NOX5: variants seen among roughly 807,000 people sequenced by gnomAD.
NOX5 encodes NADPH oxidase 5.
NOX5 carries 76 observed loss-of-function variants against 85.7 expected under a neutral mutation model. That is an observed-to-expected ratio of 0.89 (90% CI 0.74 to 1.07). The LOEUF (loss-of-function observed/expected upper bound fraction) is 1.07. Ranked by LOEUF, NOX5 falls within the 50% of genes least tolerant of loss-of-function variation. NOX5 has a pLI of 0.00. For synonymous variants in NOX5, 405 were observed against 401.4 expected (o/e 1.01, Z -0.11); for missense variants, 973 against 999.5 (o/e 0.97, Z 0.36).
rs1353773072 is a variant in NOX5 at position 69,031,715 on chromosome 15, G to A, written c.523G>A (p.Glu175Lys). The change falls in exon 4 of 16, where the codon GAA (glutamate) becomes AAA (lysine). Residue 175 changes from glutamate (E) to lysine (K), a missense_variant. By Grantham distance (56) the Glu-to-Lys change is moderately conservative. Coordinates refer to ENST00000388866, the MANE Select transcript of NOX5 (RefSeq NM_024505.4). The stretch of plus-strand genomic sequence containing the variant: ...GGACCAGCTGACGCTGGCGCTCTTC[G>A]AATCGGCCGACGCGGACGGCAACGG... ...KLDQLTLALF[E>K]SADADGNGAI... 2 of 1,612,910 alleles carry A rather than the reference G, an allele frequency of 1.2e-6. No individual in the cohort carries two copies. Among genetic ancestry groups the A allele is most frequent in the African/African-American group, 1.3e-5 (1 of 74,956 alleles).
At chr15:69,042,617 C>G (rs36041565) in intron 9 of NOX5, 46 bp from the exon 10 acceptor site, 1 of 1,583,006 alleles carries the variant, frequency 6.3e-7, no homozygotes, top group Non-Finnish European at 8.6e-7. Context: ...TCCCTGGTGC[C>G]GGTCACTATG....
intron 1 of NOX5, among the ~76,000 whole-genome samples, 195 bp downstream of exon 1, chr15:69,014,980 T>C (rs2050214079): frequency 6.6e-6 from 1 of 152,188 alleles, no homozygotes; most frequent in South Asian, 2.1e-4. Context: ...GTCTGTTTTC[T>C]CATCTGTAAA....
chr15:69,057,717 A>G lies in NOX5; in HGVS notation c.*1021A>G, dbSNP rs979523584. The G allele has an allele frequency of 6.6e-6, 1 of 152,250 alleles. No homozygotes were observed. The highest frequency in any genetic ancestry group is 1.9e-4 in the East Asian group (1 of 5,196). The allele number at this position is 152,250 out of a possible 1,614,324, so 9.4% of individuals were successfully genotyped here. On this transcript the variant is annotated 3_prime_UTR_variant, in exon 16 of 16. Coordinates refer to ENST00000388866, the MANE Select transcript of NOX5 (RefSeq NM_024505.4). ...CATGTCTGTTATTTTCATCTGTGAA[A>G]TAAGCTGATGCCATCCGTCAGTCAC...
intron 3 of NOX5, chr15:69,029,442 T>C (rs1055193261): frequency 2.6e-5 from 4 of 152,248 alleles, no homozygotes; most frequent in African/African-American, 4.8e-5. Context: ...CTATCGTGAT[T>C]AATGCTGCTA....
intron 4 of NOX5, 31 bp from the exon 5 acceptor site, chr15:69,033,012 C>T (rs748570012): frequency 6.5e-7 from 1 of 1,526,892 alleles, no homozygotes; most frequent in Non-Finnish European, 8.7e-7. Context: ...CCCCACCGCT[C>T]GCCTCTGAGC....
Position 69,031,709 on chromosome 15 carries a change from C to T in NOX5, c.517C>T (p.Leu173Phe), listed in dbSNP as rs1221491354. Residue 173 changes from leucine to phenylalanine, a missense_variant, in exon 4 of 16, where the codon CTC becomes TTC. Leu to Phe is a conservative substitution (Grantham distance 22, BLOSUM62 0). Coordinates refer to ENST00000388866, the MANE Select transcript of NOX5 (RefSeq NM_024505.4). ...DEKLDQLTLA[L>F]FESADADGNG... ...GAAGCTGGACCAGCTGACGCTGGCG[C>T]TCTTCGAATCGGCCGACGCGGACGG... 13 of 1,613,070 alleles carry T rather than the reference C, an allele frequency of 8.1e-6. No individual in the cohort carries two copies. Among genetic ancestry groups the T allele is most frequent in the Non-Finnish European group, 1.1e-5 (13 of 1,179,812 alleles).
In NOX5 at chr15:69,015,853, G is replaced by A. The variant is rs1015079342; in HGVS notation, c.50+1068G>A. 2.0e-5 allele frequency among the ~76,000 whole-genome samples: 3 copies of A among 149,364 alleles called. 1 individual carries two copies. The highest frequency in any genetic ancestry group is 6.8e-5 in the Admixed American group (1 of 14,736). On this transcript the variant is annotated intron_variant, in intron 1 of 15. Coordinates refer to ENST00000388866, the MANE Select transcript of NOX5 (RefSeq NM_024505.4). ...TCAGGGACATGAGAAGCAGGCACTC[G>A]AAGCTTGGAGTCTGCACAGGCAGTG... is the stretch of plus-strand genomic sequence containing the variant.
chr15:69,040,698 TC>T (rs2050583276), intron 9 of NOX5, among the ~76,000 whole-genome samples: 1 of 152,100 alleles, frequency 6.6e-6, no homozygotes, highest in East Asian at 1.9e-4. Flanking sequence ...TTTCACCAGT[TC>T]TTTTTTTTTT....
intron 14 of NOX5, among the ~76,000 whole-genome samples, chr15:69,053,118 A>G (rs1034014259): frequency 2.0e-5 from 3 of 152,216 alleles, no homozygotes; most frequent in Admixed American, 6.5e-5. Context: ...TTATACGTCA[A>G]GGTTTGCATT....
chr15:69,049,192 C>CTTT (rs34467340), intron 14 of NOX5, 134 bp downstream of exon 14: 32 of 292,540 alleles, frequency 1.1e-4, no homozygotes, highest in South Asian at 2.2e-4. Flanking sequence ...AACCCAGAGT[C>CTTT]TTTTTTTTTT....
At position 69,055,431 on chromosome 15, in the gene NOX5, C is replaced by G. The variant is rs145871646; in HGVS notation, c.2097C>G (p.Asn699Lys). The G allele has an allele frequency of 1.2e-5, 19 of 1,614,186 alleles. No homozygotes were observed. Among genetic ancestry groups the G allele is most frequent in the Admixed American group, 1.7e-5 (1 of 60,028 alleles). Residue 699 changes from asparagine (N) to lysine (K), a missense_variant, in exon 15 of 16, where the codon AAC becomes AAG. Physicochemically the swap from Asn to Lys is moderately conservative, Grantham distance 94 (BLOSUM62 0). Transcript: ENST00000388866. ...GLQMALDLLA[N>K]KEKKDSITGL... ...AGATGGCCCTTGACCTCCTGGCCAA[C>G]AAGGAGAAGAAAGACTCCATCACGG...
intron 5 of NOX5, 43 bp from the exon 6 acceptor site, chr15:69,035,311 G>T: frequency 6.2e-7 from 1 of 1,601,570 alleles, no homozygotes; most frequent in Non-Finnish European, 8.5e-7. Context: ...GGACAAGGCA[G>T]ACAGAGAGTG....
chr15:69,015,127 G>A (rs1414446148), intron 1 of NOX5, among the ~76,000 whole-genome samples: 1 of 152,192 alleles, frequency 6.6e-6, no homozygotes, highest in Non-Finnish European at 1.5e-5. Context: ...TGGTCATTCA[G>A]CTGGTGCAAA....
Position 69,035,472 on chromosome 15 carries a change from C to A in NOX5, c.974C>A (p.Ser325Tyr), listed in dbSNP as rs1225854176. The A allele has an allele frequency of 6.2e-7, 1 of 1,614,204 alleles. No homozygotes were observed. ...QLMGYVVVGLSLVHTVAHTVN... is the reference protein window; with the variant it reads ...QLMGYVVVGLYLVHTVAHTVN... Reference sequence around the variant, plus strand: ...ATGGGCTACGTGGTAGTGGGGCTGTCCCTCGTGCACACCGTGGCTCACACT... The same window carrying A: ...ATGGGCTACGTGGTAGTGGGGCTGTACCTCGTGCACACCGTGGCTCACACT... The change falls in exon 6 of 16, where the codon TCC (serine) becomes TAC (tyrosine). Residue 325 changes from serine (S) to tyrosine (Y), a missense_variant. Ser to Tyr is a moderately radical substitution (Grantham distance 144). Transcript: ENST00000388866.
intron 3 of NOX5, 167 bp downstream of exon 3, chr15:69,028,532 TC>T (rs1239366097): frequency 1.9e-6 from 1 of 521,746 alleles, no homozygotes; most frequent in Non-Finnish European, 3.2e-6. Context: ...CACATCTCTC[TC>T]CCAGTCCCCA....
intron 15 of NOX5, among the ~76,000 whole-genome samples, 183 bp downstream of exon 15, chr15:69,055,683 G>A (rs191932765): frequency 2.7e-5 from 4 of 149,798 alleles, no homozygotes; most frequent in African/African-American, 1.0e-4. Flanking sequence ...ACTAACCTTT[G>A]TTCCATCATT....
chr15:69,021,349 CTTT>C (rs59303957), intron 1 of NOX5, among the ~76,000 whole-genome samples: 17 of 134,026 alleles, frequency 1.3e-4, no homozygotes, highest in Admixed American at 2.3e-4. Flanking sequence ...CTTTTGAATT[CTTT>C]TTTTTTTTTT....
intron 7 of NOX5, 71 bp downstream of exon 7, chr15:69,036,007 C>T (rs1595779405): frequency 3.2e-6 from 5 of 1,587,228 alleles, no homozygotes; most frequent in Middle Eastern, 1.7e-4. Context: ...TGTGTCCCCT[C>T]TGATTTACTC....
At chr15:69,049,430 T>G (rs933896362) in intron 14 of NOX5, among the ~76,000 whole-genome samples, 6 of 151,928 alleles carry the variant, frequency 3.9e-5, no homozygotes, top group Admixed American at 2.6e-4. Flanking sequence ...TAAGAGGTGT[T>G]TATTCCATTT....
Sources: allele counts gnomAD v4.1 joint callset (sites outside exome capture counted in the v4.1 genomes callset), GRCh38; gene constraint gnomAD v4.1.1; transcripts MANE v1.5; gene names NCBI Gene and HGNC (gene_info 2026-07-23, HGNC 2026-07-21).